MPPE1: variants seen among roughly 807,000 people sequenced by gnomAD.
The protein encoded by MPPE1 is metallo phosphoesterase.
Under a neutral mutation model 43.8 loss-of-function variants are expected in MPPE1, and 28 were observed. The observed-to-expected ratio is 0.64, with a 90% CI of 0.47 to 0.88. The LOEUF is 0.88. MPPE1 is among the 40% of genes least tolerant of loss of function. The probability of loss-of-function intolerance (pLI) is 0.00; values close to 1 mark genes in which losing one functional copy is unlikely to be tolerated. For synonymous variants in MPPE1, 159 were observed against 188.5 expected (o/e 0.84, Z 1.28); for missense variants, 428 against 492.2 (o/e 0.87, Z 1.23).
rs1298329884 is a variant in MPPE1, at chr18:11,883,072, CTT to C, written c.*1371_*1372del. ...TATTACTCTTCTTTTAGTCTTTAGT[CTT>C]TAATATTTTAAAGTTTACTCTATAA... is the stretch of plus-strand genomic sequence containing the variant. On this transcript the variant is annotated 3_prime_UTR_variant, in exon 11 of 11. Transcript: ENST00000588072. 1.3e-5 allele frequency: 2 copies of C among 152,114 alleles called. No individual in the cohort carries two copies. The highest frequency in any genetic ancestry group is 1.5e-5 in the Non-Finnish European group (1 of 68,024). The allele number at this position is 152,114 out of a possible 1,614,324, so 9.4% of individuals were successfully genotyped here. A position where few individuals can be genotyped will look rare whatever the true frequency, so the allele number is the denominator to read the frequency against.
chr18:11,886,641 G>T lies in MPPE1; in HGVS notation c.745-20C>A. 6.2e-7 allele frequency: 1 copy of T among 1,614,138 alleles called. No homozygotes were observed. The highest frequency in any genetic ancestry group is 1.7e-5 in the Admixed American group (1 of 60,006). On this transcript the variant is annotated intron_variant, in intron 8 of 10. Transcript: ENST00000588072. The surrounding 1 kb of genome is among the most constrained non-coding windows in gnomAD (Gnocchi z 4.1). ...ATAATGCTGTCCGGGGTGGAGAGAG[G>T]AGTTCAGGCGGCTATCGTGAAACCA...
chr18:11,896,095 C>CTTTTTTTTTTTTT (rs1178920790), intron 3 of MPPE1, among the ~76,000 whole-genome samples: 124 of 80,406 alleles, frequency 1.5e-3, no homozygotes, highest in Non-Finnish European at 2.2e-3. Context: ...ATTCTTTATT[C>CTTTTTTTTTTTTT]TTTTTTTTTT....
intron 2 of MPPE1, chr18:11,902,952 C>G (rs2039348022): frequency 6.6e-6 from 1 of 152,358 alleles, no homozygotes; most frequent in African/African-American, 2.4e-5. Flanking sequence ...CCCCACTGAG[C>G]TCACTCAGCA....
rs1047432211 is a variant in MPPE1, at chr18:11,887,836, T to C, written c.570-811A>G. 9.8e-5 allele frequency among the ~76,000 whole-genome samples: 15 copies of C among 152,336 alleles called. No individual in the cohort carries two copies. In the East Asian group the frequency reaches 2.7e-3, roughly 27 times the overall value. On this transcript the variant is annotated intron_variant, in intron 6 of 10. Coordinates refer to ENST00000588072, the MANE Select transcript of MPPE1 (RefSeq NM_023075.6). ...GAGGGAAATAATTCAAACTGTATCA[T>C]GCTTCTATTATGAGTCAGCAGAGAA...
rs532027499 is a variant in MPPE1, at chr18:11,884,734, G to A, written c.1009-107C>T. The A allele has an allele frequency of 7.7e-5, 105 of 1,371,668 alleles. No individual in the cohort carries two copies. In the African/African-American group the frequency reaches 1.4e-3, roughly 18 times the overall value. The allele number at this position is 1,371,668 out of a possible 1,614,324, so 85.0% of individuals were successfully genotyped here. ...CTGCCTTCTCAGGTCCCCCTCAGGT[G>A]AGGCAGGGAACGGGCCCTCCTCACC... On this transcript the variant is annotated intron_variant, in intron 10 of 10. Coordinates refer to ENST00000588072, the MANE Select transcript of MPPE1 (RefSeq NM_023075.6).
At chr18:11,904,170 G>T (rs758705630) in intron 2 of MPPE1, among the ~76,000 whole-genome samples, 39 of 104,786 alleles carry the variant, frequency 3.7e-4, no homozygotes, top group Non-Finnish European at 6.8e-4. Context: ...CAGTAGAAAA[G>T]GAGAGAAGAG....
At chr18:11,893,702 G>A in intron 3 of MPPE1, 126 bp from the exon 4 acceptor site, 1 of 720,584 alleles carries the variant, frequency 1.4e-6, no homozygotes, top group Non-Finnish European at 2.3e-6. Context: ...CCCCACTCTT[G>A]CATTCCCATC....
chr18:11,888,800 A>G, intron 5 of MPPE1, 57 bp from the exon 6 acceptor site: 1 of 983,522 alleles, frequency 1.0e-6, no homozygotes, highest in Non-Finnish European at 1.5e-6. Context: ...AGAAACTCCT[A>G]GAGTCATCAT....
At chr18:11,890,049 T>C (rs945203036) in intron 4 of MPPE1, among the ~76,000 whole-genome samples, 1 of 151,496 alleles carries the variant, frequency 6.6e-6, no homozygotes, top group African/African-American at 2.4e-5. Flanking sequence ...TTCACGCCAT[T>C]CTCCTGCCTC....
rs748090037 is a variant in MPPE1, at chr18:11,897,158, A to T, written c.107T>A (p.Phe36Tyr). The T allele has an allele frequency of 6.8e-5, 91 of 1,348,086 alleles. No individual in the cohort carries two copies. Among genetic ancestry groups the T allele is most frequent in the Non-Finnish European group, 9.1e-5 (87 of 953,744 alleles). The allele number at this position is 1,348,086 out of a possible 1,614,324, so 83.5% of individuals were successfully genotyped here. A position where few individuals can be genotyped will look rare whatever the true frequency, so the allele number is the denominator to read the frequency against. ...TAAGTAATAGATTAAAAATTCACAA[A>T]ATAGAAGCACAGCAAAGACAACAGC... Reference protein sequence around the residue: ...LIAVVFAVLLFCEFLIYYLAI... With the variant: ...LIAVVFAVLLYCEFLIYYLAI... The change falls in exon 3 of 11, where the codon TTT becomes TAT. Residue 36 changes from phenylalanine (F) to tyrosine (Y), a missense_variant. Physicochemically the swap from Phe to Tyr is conservative, Grantham distance 22 (BLOSUM62 3). Transcript: ENST00000588072.
chr18:11,886,631 G>A lies in MPPE1; in HGVS notation c.745-10C>T. ...GATACAGAGGATAATGCTGTCCGGG[G>A]TGGAGAGAGGAGTTCAGGCGGCTAT... On this transcript the variant is annotated splice_polypyrimidine_tract_variant and intron_variant, in intron 8 of 10. Transcript: ENST00000588072. The surrounding 1 kb of genome is among the most constrained non-coding windows in gnomAD (Gnocchi z 4.1). The A allele has an allele frequency of 6.2e-7, 1 of 1,614,196 alleles. No homozygotes were observed. Among genetic ancestry groups the A allele is most frequent in the Non-Finnish European group, 8.5e-7 (1 of 1,180,048 alleles).
chr18:11,885,150 T>A, intron 10 of MPPE1: 1 of 875,496 alleles, frequency 1.1e-6, no homozygotes, highest in Non-Finnish European at 1.5e-6. Context: ...TTGAAAATGT[T>A]AGGGTTTCCT....
At chr18:11,905,668 A>C (rs1215521539) in intron 2 of MPPE1, 2 of 152,312 alleles carry the variant, frequency 1.3e-5, no homozygotes, top group East Asian at 3.8e-4. Flanking sequence ...TTTCTGACTC[A>C]GCTGAAGGAA....
In MPPE1 at chr18:11,884,531, CA is replaced by C; in HGVS notation, c.1104del (p.Val369TrpfsTer11). 1 of 1,614,102 alleles carries C rather than the reference CA, an allele frequency of 6.2e-7. No individual in the cohort carries two copies. Among genetic ancestry groups the C allele is most frequent in the Middle Eastern group, 1.6e-4 (1 of 6,062 alleles). ...LIIYCGVVGF[L>X]VVLTLTHFGL... ...CCAAAGTGAGTGAGTGTGAGGACCA[CA>C]AGGAAGCCCACCACTCCACAGTAGA... is the stretch of plus-strand genomic sequence containing the variant. On this transcript the variant is annotated frameshift_variant, in exon 11 of 11. Transcript: ENST00000588072. LOFTEE classifies it low-confidence loss of function (END_TRUNC).
chr18:11,884,602 G>T lies in MPPE1; in HGVS notation c.1034C>A (p.Thr345Asn). The T allele has an allele frequency of 1.9e-6, 3 of 1,613,778 alleles. No individual in the cohort carries two copies. Among genetic ancestry groups the T allele is most frequent in the Non-Finnish European group, 2.5e-6 (3 of 1,179,990 alleles). Residue 345 changes from threonine to asparagine, a missense_variant, in exon 11 of 11, where the codon ACC becomes AAC. Around this residue, in one of 3 missense-constraint regions of MPPE1, gnomAD observed 379 missense variants for 402.5 expected, o/e 0.94. Transcript: ENST00000588072. ...IMGSITPTDY[T>N]LSKCYLPRED... is the part of the protein sequence containing the mutation. ...ACGTGGGAGGTAGCACTTGGAGAGG[G>T]TGTAGTCTGTGGGCGTGATGCTACC... is the stretch of plus-strand genomic sequence containing the variant.
chr18:11,890,265 CAATT>C (rs2144309915), intron 4 of MPPE1, among the ~76,000 whole-genome samples: 1 of 151,908 alleles, frequency 6.6e-6, no homozygotes, highest in African/African-American at 2.4e-5. Context: ...TTTAAAATTA[CAATT>C]AATACTTACT....
At chr18:11,902,407 G>A (rs2039302040) in intron 2 of MPPE1, 1 of 152,224 alleles carries the variant, frequency 6.6e-6, no homozygotes, top group Admixed American at 6.5e-5. Flanking sequence ...TTCCTTTGTT[G>A]TGATTAAATC....
rs373020731 is a variant in MPPE1, at chr18:11,884,435, C to T, written c.*10G>A. On this transcript the variant is annotated 3_prime_UTR_variant, in exon 11 of 11. Transcript: ENST00000588072. ...TCTTGGGCTTTGATATTTATAATGG[C>T]GCCTGCTCTTCATCTTGTCTTACGC... 7 of 1,611,534 alleles carry T rather than the reference C, an allele frequency of 4.3e-6. No individual in the cohort carries two copies. The highest frequency in any genetic ancestry group is 1.1e-5 in the South Asian group (1 of 91,002).
At position 11,897,028 on chromosome 18, in the gene MPPE1, A is replaced by T; in HGVS notation, c.237T>A (p.His79Gln). The stretch of plus-strand genomic sequence containing the variant: ...AGTGGCCTAGGAATTCCCCAAGCAA[A>T]TGGGTGTCAGCCAAAAACATGGCTT... ...VLKAMFLADT[H>Q]LLGEFLGHWL... The change falls in exon 3 of 11, where the codon CAT becomes CAA. Residue 79 changes from histidine (H) to glutamine (Q), a missense_variant. By Grantham distance (24) the His-to-Gln change is conservative. This residue lies in a region of MPPE1 where 379 missense variants were observed against 402.5 expected (regional missense o/e 0.94). Coordinates refer to ENST00000588072, the MANE Select transcript of MPPE1 (RefSeq NM_023075.6). 1.3e-6 allele frequency: 2 copies of T among 1,582,450 alleles called. No individual in the cohort carries two copies. The highest frequency in any genetic ancestry group is 1.7e-6 in the Non-Finnish European group (2 of 1,165,734).
Sources: gnomAD v4.1 joint callset for allele counts (sites outside exome capture counted in the v4.1 genomes callset) on GRCh38, gnomAD v4.1.1 for gene constraint, gnomAD v4.1.1 regional missense constraint, Gnocchi (gnomAD v3.1) non-coding constraint, MANE v1.5 for transcripts, NCBI Gene and HGNC (gene_info 2026-07-23, HGNC 2026-07-21) for gene names.